The following ST3GAL3 variants were observed in gnomAD, a reference collection of about 807,000 sequenced individuals.
The protein encoded by ST3GAL3 is ST3 beta-galactoside alpha-2,3-sialyltransferase 3.
Under a neutral mutation model 50.1 loss-of-function variants are expected in ST3GAL3, and 21 were observed. That is an observed-to-expected ratio of 0.42 (90% CI 0.30 to 0.60). ST3GAL3 has a LOEUF of 0.60. Ranked by LOEUF, ST3GAL3 falls within the 20% of genes least tolerant of loss-of-function variation. The pLI is 0.19. For missense variants in ST3GAL3, 353 were observed against 489.4 expected (o/e 0.72, Z 2.63); for synonymous variants, 183 against 190.0 (o/e 0.96, Z 0.30).
intron 3 of ST3GAL3, among the ~76,000 whole-genome samples, chr1:43,797,293 AT>A (rs2058787696): frequency 6.6e-6 from 1 of 152,202 alleles, no homozygotes; most frequent in African/African-American, 2.4e-5. Context: ...AAATAAAGCA[AT>A]AAAACTATCC....
intron 9 of ST3GAL3, among the ~76,000 whole-genome samples, chr1:43,917,218 G>T (rs768109517): frequency 6.6e-6 from 1 of 151,084 alleles, no homozygotes; most frequent in Non-Finnish European, 1.5e-5. Flanking sequence ...CACATACACA[G>T]ATTTTAATGG....
At chr1:43,859,881 C>G (rs1357755396) in intron 5 of ST3GAL3, among the ~76,000 whole-genome samples, 1 of 152,198 alleles carries the variant, frequency 6.6e-6, no homozygotes, top group Non-Finnish European at 1.5e-5. Context: ...TTCCCCGTCT[C>G]CATCACCCAT....
At chr1:43,736,746 G>C (rs757624122) in intron 2 of ST3GAL3, 67 of 349,912 alleles carry the variant, frequency 1.9e-4, no homozygotes, top group Non-Finnish European at 3.1e-4. Flanking sequence ...GATTAGTATT[G>C]AAGTTGGTTT....
In ST3GAL3 at chr1:43,899,350, T is replaced by G. The variant is rs2077887151; in HGVS notation, c.557+87T>G. ...CATTGAGAACTGTCTGTCTGGCTAGTTGGGCTGGAGGTCAACGGAAGCCTC... is the reference window on the plus strand; with the variant it reads ...CATTGAGAACTGTCTGTCTGGCTAGGTGGGCTGGAGGTCAACGGAAGCCTC... On this transcript the variant is annotated intron_variant, in intron 8 of 11. Transcript: ENST00000347631. This position sits in a 1 kb window ranked among gnomAD's most constrained non-coding sequence, Gnocchi z 5.4. The G allele has an allele frequency of 6.2e-7, 1 of 1,610,666 alleles. No individual in the cohort carries two copies. The highest frequency in any genetic ancestry group is 8.5e-7 in the Non-Finnish European group (1 of 1,178,386).
At chr1:43,784,495 C>T (rs771953382) in intron 2 of ST3GAL3, among the ~76,000 whole-genome samples, 14 of 151,996 alleles carry the variant, frequency 9.2e-5, no homozygotes, top group Admixed American at 2.0e-4. Flanking sequence ...GGTGACAGAG[C>T]GAGACTCTGT....
chr1:43,922,055 A>T (rs1476825099), intron 11 of ST3GAL3: 3 of 254,998 alleles, frequency 1.2e-5, no homozygotes, highest in Non-Finnish European at 1.5e-5. Context: ...AGCATCATCA[A>T]TTCTGATCTA....
At chr1:43,779,140 C>T (rs1698497571) in intron 2 of ST3GAL3, among the ~76,000 whole-genome samples, 1 of 151,622 alleles carries the variant, frequency 6.6e-6, no homozygotes. Flanking sequence ...TTGGGTTTTG[C>T]CATGTTTGCC....
intron 2 of ST3GAL3, 161 bp downstream of exon 2, chr1:43,736,541 A>G (rs1678544046): frequency 3.3e-5 from 41 of 1,251,814 alleles, no homozygotes; most frequent in Non-Finnish European, 4.6e-5. Flanking sequence ...TTTAGCTGGT[A>G]TAGGCTGAGA....
Position 43,930,552 on chromosome 1 carries a change from G to A in ST3GAL3, c.*331G>A, listed in dbSNP as rs568754101. ...AGTGTTTGGTGTATTATCATTTTGT[G>A]AATTTGGGTAGGGGGGAGGGTAGGG... On this transcript the variant is annotated 3_prime_UTR_variant, in exon 12 of 12. Transcript: ENST00000347631. 92 of 437,434 alleles carry A rather than the reference G, an allele frequency of 2.1e-4. 2 individuals are homozygous for A. The highest frequency in any genetic ancestry group is 2.0e-3 in the South Asian group (87 of 43,082). The allele number at this position is 437,434 out of a possible 1,614,324, so 27.1% of individuals were successfully genotyped here.
intron 11 of ST3GAL3, among the ~76,000 whole-genome samples, chr1:43,928,085 G>A (rs1011644888): frequency 1.3e-5 from 2 of 152,214 alleles, no homozygotes; most frequent in Non-Finnish European, 2.9e-5. Context: ...TTTGGAAGGT[G>A]GAGAAGGTTG....
intron 9 of ST3GAL3, chr1:43,912,370 G>A (rs1415451942): frequency 6.6e-6 from 1 of 152,122 alleles, no homozygotes; most frequent in Non-Finnish European, 1.5e-5. Context: ...TTGCTTAGGG[G>A]TACAGAGTTA....
rs2065291196 is a variant in ST3GAL3 at position 43,841,068 on chromosome 1, C to G, written c.302+2757C>G. 2.0e-5 allele frequency: 3 copies of G among 152,278 alleles called. No individual in the cohort carries two copies. In the South Asian group the frequency reaches 6.2e-4, roughly 31 times the overall value. 9.4% of individuals were successfully genotyped at this position (152,278 alleles called of 1,614,324 possible). A position where few individuals can be genotyped will look rare whatever the true frequency, so the allele number is the denominator to read the frequency against. On this transcript the variant is annotated intron_variant, in intron 5 of 11. Coordinates refer to ENST00000347631, the MANE Select transcript of ST3GAL3 (RefSeq NM_006279.5). ...GCCCCACATTCAGGGCACACTGGTG[C>G]AAGAAGTGGGCCCCCAAGATCTTGG... is the stretch of plus-strand genomic sequence containing the variant.
intron 9 of ST3GAL3, among the ~76,000 whole-genome samples, chr1:43,917,977 G>C (rs984842335): frequency 6.8e-6 from 1 of 148,008 alleles, no homozygotes; most frequent in Non-Finnish European, 1.5e-5. Flanking sequence ...CTTATTTTGC[G>C]TATATTTTTG....
At chr1:43,917,612 ATATAT>A (rs66848425) in intron 9 of ST3GAL3, among the ~76,000 whole-genome samples, 2 of 71,132 alleles carry the variant, frequency 2.8e-5, no homozygotes, top group East Asian at 3.5e-4. Context: ...ATTATATATT[ATATAT>A]TATATTATAT....
At chr1:43,892,220 G>A (rs796664288) in intron 5 of ST3GAL3, among the ~76,000 whole-genome samples, 8 of 152,312 alleles carry the variant, frequency 5.3e-5, no homozygotes, top group African/African-American at 1.9e-4. Context: ...TGGGATTGGA[G>A]GCACAAGCCA....
At chr1:43,748,423 ATTTTTTT>A (rs1215322512) in intron 2 of ST3GAL3, among the ~76,000 whole-genome samples, 2 of 111,140 alleles carry the variant, frequency 1.8e-5, no homozygotes, top group African/African-American at 7.3e-5. Flanking sequence ...AACAGCCCCC[ATTTTTTT>A]TTTTTTTTTT....
rs71579312 is a variant in ST3GAL3, at chr1:43,829,995, C to CTTTTT, written c.210-8198_210-8194dup. 7.8e-4 allele frequency among the ~76,000 whole-genome samples: 55 copies of CTTTTT among 70,132 alleles called. 5 individuals are homozygous for CTTTTT. The highest frequency in any genetic ancestry group is 1.0e-3 in the East Asian group (2 of 1,962). 46.0% of individuals were successfully genotyped at this position (70,132 alleles called of 152,430 possible). ...CAACCCACTGCAAGCATAAAAATTC[C>CTTTTT]TTTTTTTTTTTTTTTTTTTTTTTTT... On this transcript the variant is annotated intron_variant, in intron 4 of 11. Transcript: ENST00000347631.
At chr1:43,904,933 C>T (rs1292668104) in intron 9 of ST3GAL3, among the ~76,000 whole-genome samples, 1 of 664 alleles carries the variant, frequency 1.5e-3, no homozygotes, top group Non-Finnish European at 4.2e-3. Context: ...CACTCTTCCT[C>T]CCCTTCCTCC....
At chr1:43,811,306 G>A (rs2060529419) in intron 3 of ST3GAL3, among the ~76,000 whole-genome samples, 1 of 152,170 alleles carries the variant, frequency 6.6e-6, no homozygotes, top group African/African-American at 2.4e-5. Context: ...CGTGATTGCT[G>A]TTGGAGGGAG....
Sources: allele counts gnomAD v4.1 joint callset (sites outside exome capture counted in the v4.1 genomes callset), GRCh38; gene constraint gnomAD v4.1.1; non-coding constraint Gnocchi (gnomAD v3.1); transcripts MANE v1.5; gene names NCBI Gene and HGNC (gene_info 2026-07-23, HGNC 2026-07-21).